The following PIGQ variants were observed in gnomAD, a reference collection of about 807,000 sequenced individuals.
PIGQ encodes the protein phosphatidylinositol glycan anchor biosynthesis class Q, also known as phosphatidylinositol N-acetylglucosaminyltransferase subunit Q.
A neutral mutation model predicts 60.3 loss-of-function variants in PIGQ; 54 were observed. That is an observed-to-expected ratio of 0.90 (90% confidence interval 0.72 to 1.12). The LOEUF is 1.12. Ranked by LOEUF, PIGQ falls within the 50% of genes most tolerant of loss-of-function variation. The pLI is 0.00. For missense variants in PIGQ, 799 were observed against 793.5 expected (o/e 1.01, Z -0.08); for synonymous variants, 416 against 363.7 (o/e 1.14, Z -1.64).
chr16:575,788 T>G (rs2035705918), intron 2 of PIGQ, 51 bp from the exon 3 acceptor site: 4 of 1,533,924 alleles, frequency 2.6e-6, no homozygotes, highest in Non-Finnish European at 3.5e-6. Context: ...TGGGGGACGG[T>G]GGGAGGAGGA....
chr16:572,600 T>C lies in PIGQ; in HGVS notation c.-9-1466T>C, dbSNP rs548938435. The C allele has an allele frequency of 2.8e-4, 124 of 449,120 alleles. 1 individual carries two copies. The highest frequency in any genetic ancestry group is 6.6e-4 in the Middle Eastern group (2 of 3,046). 27.8% of individuals were successfully genotyped at this position (449,120 alleles called of 1,614,324 possible). ...TGGGCTCTGAGACCTCCAGGCATCC[T>C]GGTCTGTTCCCTCATCCCTAAGGGC... On this transcript the variant is annotated intron_variant, in intron 1 of 10. Coordinates refer to ENST00000321878, the MANE Select transcript of PIGQ (RefSeq NM_004204.5).
chr16:581,138 C>T (rs1166855381), intron 9 of PIGQ, 166 bp downstream of exon 9: 1 of 1,462,156 alleles, frequency 6.8e-7, no homozygotes, highest in African/African-American at 1.4e-5. Flanking sequence ...TCCCAGAGGT[C>T]TGCAGGACCA....
intron 1 of PIGQ, among the ~76,000 whole-genome samples, chr16:570,961 C>G (rs568117815): frequency 6.6e-6 from 1 of 152,146 alleles, no homozygotes; most frequent in African/African-American, 2.4e-5. Flanking sequence ...TCCCTACCTG[C>G]CTGGTCTGGG....
At position 575,890 on chromosome 16, in the gene PIGQ, C is replaced by T. The variant is rs891335265; in HGVS notation, c.741C>T (p.Cys247=). The change falls in exon 3 of 11, where the codon TGC becomes TGT. Residue 247 remains cysteine (C), a synonymous_variant. Coordinates refer to ENST00000321878, the MANE Select transcript of PIGQ (RefSeq NM_004204.5). ...TCCTCGGGAGCAAACTCTCCACGTG[C>T]GAACAGCTCCGGCACCGGCTGGAGC... The part of the protein sequence containing the change: ...LSFLGSKLST[C]EQLRHRLEHL... The T allele has an allele frequency of 1.4e-5, 22 of 1,575,168 alleles. No individual in the cohort carries two copies. Among genetic ancestry groups the T allele is most frequent in the Admixed American group, 1.1e-4 (6 of 54,982 alleles).
Position 571,038 on chromosome 16 carries a change from CGTGTGTGTGTGTGTGTGTGTGTGTGT to C in PIGQ, c.-10+987_-10+1012del, listed in dbSNP as rs1176149269. 3.9e-4 allele frequency among the ~76,000 whole-genome samples: 33 copies of C among 85,214 alleles called. 1 individual carries two copies. The highest frequency in any genetic ancestry group is 6.5e-4 in the South Asian group (2 of 3,082). 55.9% of individuals were successfully genotyped at this position (85,214 alleles called of 152,430 possible). ...AAGCTCTTCTGGCTAGCCTGGCGCC[CGTGTGTGTGTGTGTGTGTGTGTGTGT>C]GTGTGTGTGTGTGTGTGTGTGTGTG... On this transcript the variant is annotated intron_variant, in intron 1 of 10. Coordinates refer to ENST00000321878, the MANE Select transcript of PIGQ (RefSeq NM_004204.5).
At chr16:582,445 G>A in intron 10 of PIGQ, 136 bp downstream of exon 10, 1 of 664,242 alleles carries the variant, frequency 1.5e-6, no homozygotes. Context: ...GGAGCTGAGG[G>A]GGAAGGCCCA....
At chr16:582,571 C>T (rs1016466839) in intron 10 of PIGQ, 3 of 567,624 alleles carry the variant, frequency 5.3e-6, no homozygotes, top group African/African-American at 3.7e-5. Context: ...CTGCCCTGGG[C>T]CCCACAGGGC....
chr16:573,502 G>A (rs932339408), intron 1 of PIGQ, among the ~76,000 whole-genome samples: 2 of 152,182 alleles, frequency 1.3e-5, no homozygotes, highest in African/African-American at 4.8e-5. Flanking sequence ...GACCTTCTGG[G>A]GGGCTGCCCG....
Position 583,561 on chromosome 16 carries a change from G to GCGGGCC in PIGQ, c.*534_*539dup. ...AAGCAGTCGCTGACCCCCGTCCCCAGCGGGCCCGGGCCCTCACTCCCTGAA... is the reference window on the plus strand; with the variant it reads ...AAGCAGTCGCTGACCCCCGTCCCCAGCGGGCCCGGGCCCGGGCCCTCACTCCCTGAA... On this transcript the variant is annotated 3_prime_UTR_variant, in exon 11 of 11. Coordinates refer to ENST00000321878, the MANE Select transcript of PIGQ (RefSeq NM_004204.5). 6.2e-7 allele frequency: 1 copy of GCGGGCC among 1,612,490 alleles called. No individual in the cohort carries two copies. Among genetic ancestry groups the GCGGGCC allele is most frequent in the Non-Finnish European group, 8.5e-7 (1 of 1,179,698 alleles).
chr16:581,048 G>A (rs2035802240), intron 9 of PIGQ, 76 bp downstream of exon 9: 6 of 1,329,620 alleles, frequency 4.5e-6, no homozygotes, highest in Non-Finnish European at 6.5e-6. Context: ...CAGAAGCAAG[G>A]ACAGCATGGG....
At chr16:582,755 T>C (rs541588289) in intron 10 of PIGQ, 128 bp from the exon 11 acceptor site, 2 of 1,047,440 alleles carry the variant, frequency 1.9e-6, no homozygotes, top group East Asian at 2.4e-5. Context: ...GGGACTGGCT[T>C]CTCCCACAGG....
Position 578,515 on chromosome 16 carries a change from G to C in PIGQ, c.1069+10G>C. On this transcript the variant is annotated intron_variant, in intron 5 of 10. Coordinates refer to ENST00000321878, the MANE Select transcript of PIGQ (RefSeq NM_004204.5). The stretch of plus-strand genomic sequence containing the variant: ...ATCCACCTGTGGATCAGTGAGTGCA[G>C]GGCAGGCGGGGGCCCCAGGGACCCC... 2 of 1,608,866 alleles carry C rather than the reference G, an allele frequency of 1.2e-6. No individual in the cohort carries two copies. Among genetic ancestry groups the C allele is most frequent in the Non-Finnish European group, 1.7e-6 (2 of 1,177,690 alleles).
At chr16:578,340 G>T (rs761431850) in intron 4 of PIGQ, 39 bp from the exon 5 acceptor site, 128 of 1,586,894 alleles carry the variant, frequency 8.1e-5, no homozygotes, top group Non-Finnish European at 1.1e-4. Context: ...TGCTGAGCCT[G>T]GCTGCCCCCG....
At position 581,438 on chromosome 16, in the gene PIGQ, C is replaced by G. The variant is rs538347453; in HGVS notation, c.1531+466C>G. 581 of 898,532 alleles carry G rather than the reference C, an allele frequency of 6.5e-4. 2 individuals are homozygous for G. In the African/African-American group the frequency reaches 0.01, roughly 16 times the overall value. 55.7% of individuals were successfully genotyped at this position (898,532 alleles called of 1,614,324 possible). On this transcript the variant is annotated intron_variant, in intron 9 of 10. Transcript: ENST00000321878. ...GGGCTCTTCCCTGCTTGCCGGACAC[C>G]TGGCTTCTTTCAGTGGAGTCTGCAG...
rs202068219 is a variant in PIGQ, at chr16:582,964, G to A, written c.1675G>A (p.Ala559Thr). ...CTGCCACCCCAAGCACTCCTGGGGC[G>A]CCCTGTGCCGCAAGCTGTTCCTTGG... ...CGCHPKHSWG[A>T]LCRKLFLGEL... The change falls in exon 11 of 11, where the codon GCC becomes ACC. Residue 559 changes from alanine (A) to threonine (T), a missense_variant. Coordinates refer to ENST00000321878, the MANE Select transcript of PIGQ (RefSeq NM_004204.5). The A allele has an allele frequency of 1.1e-4, 172 of 1,613,038 alleles. No individual in the cohort carries two copies. Among genetic ancestry groups the A allele is most frequent in the East Asian group, 9.6e-4 (43 of 44,876 alleles).
intron 4 of PIGQ, among the ~76,000 whole-genome samples, chr16:577,421 C>G (rs571426797): frequency 4.5e-4 from 68 of 151,260 alleles, no homozygotes; most frequent in South Asian, 1.2e-3. Context: ...ACTAAAAATA[C>G]AAAAAATTAG....
rs1470552935 is a variant in PIGQ, at chr16:583,875, C to T, written c.*840C>T. On this transcript the variant is annotated 3_prime_UTR_variant, in exon 11 of 11. Coordinates refer to ENST00000321878, the MANE Select transcript of PIGQ (RefSeq NM_004204.5). ...GTGGCCTGGGGAGGGGGCCGTGGCA[C>T]TGAGGCCGAAAGTGCCTGCCAGACG... 1.7e-6 allele frequency: 1 copy of T among 587,072 alleles called. No individual in the cohort carries two copies. Among genetic ancestry groups the T allele is most frequent in the African/African-American group, 1.9e-5 (1 of 53,984 alleles). The allele number at this position is 587,072 out of a possible 1,614,324, so 36.4% of individuals were successfully genotyped here.
rs368941189 is a variant in PIGQ, at chr16:574,679, C to A, written c.605C>A (p.Ala202Glu). The change falls in exon 2 of 11, where the codon GCG (alanine) becomes GAG (glutamate). Residue 202 changes from alanine to glutamate, a missense_variant. Transcript: ENST00000321878. ...QSEGVEASIL[A>E]ELARRASGPI... is the part of the protein sequence containing the mutation. Reference sequence around the variant, plus strand: ...GAGGGCGTGGAGGCCAGCATCCTCGCGGAGCTGGCCAGGCGAGCCTCGGGA... The same window carrying A: ...GAGGGCGTGGAGGCCAGCATCCTCGAGGAGCTGGCCAGGCGAGCCTCGGGA... The A allele has an allele frequency of 9.3e-6, 15 of 1,605,394 alleles. No individual in the cohort carries two copies. Among genetic ancestry groups the A allele is most frequent in the Non-Finnish European group, 1.3e-5 (15 of 1,178,974 alleles).
In PIGQ at chr16:579,020, G is replaced by C; in HGVS notation, c.1224-49G>C. On this transcript the variant is annotated intron_variant, in intron 6 of 10. Transcript: ENST00000321878. ...GGGCGGGCGTTCGAGTGGGGCGGGG[G>C]CGGGGCGGGGCGGGGCGGGGCCGGG... is the stretch of plus-strand genomic sequence containing the variant. The C allele has an allele frequency of 2.1e-6, 3 of 1,460,574 alleles. No individual in the cohort carries two copies. In the South Asian group the frequency reaches 3.7e-5, roughly 18 times the overall value. The allele number at this position is 1,460,574 out of a possible 1,614,324, so 90.5% of individuals were successfully genotyped here.
Sources: gnomAD v4.1 joint callset for allele counts (sites outside exome capture counted in the v4.1 genomes callset) on GRCh38, gnomAD v4.1.1 for gene constraint, MANE v1.5 for transcripts, NCBI Gene and HGNC (gene_info 2026-07-23, HGNC 2026-07-21) for gene names.